The following CTSD variants were observed in gnomAD, a reference collection of about 807,000 sequenced individuals.
CTSD encodes the protein ceroid-lipofuscinosis, neuronal 10.
A neutral mutation model predicts 43.6 loss-of-function variants in CTSD; 28 were observed. The ratio of observed to expected loss-of-function variants is 0.64; its 90% CI spans 0.48 to 0.88. The LOEUF (loss-of-function observed/expected upper bound fraction) is 0.88, where lower values mean the gene tolerates loss of function less well. Among genes scored for constraint, CTSD ranks in the 40% least tolerant of loss-of-function variants. The probability of loss-of-function intolerance (pLI) is 0.00; values close to 1 mark genes in which losing one functional copy is unlikely to be tolerated. For missense variants in CTSD, 485 were observed against 555.2 expected, an observed-to-expected ratio of 0.87 and a Z score of 1.27; for synonymous variants, 270 against 249.8, an observed-to-expected ratio of 1.08 and a Z score of -0.76.
At position 1,753,040 on chromosome 11, in the gene CTSD, G is replaced by A; in HGVS notation, c.*463C>T. On this transcript the variant is annotated 3_prime_UTR_variant, in exon 9 of 9. Transcript: ENST00000236671. ...GGGACACTGAACAGGTAGGGTGGCA[G>A]AGCCCAGCTGGGCCCAAGCTGGGCA... 3.5e-6 allele frequency: 1 copy of A among 284,184 alleles called. No homozygotes were observed. Among genetic ancestry groups the A allele is most frequent in the Non-Finnish European group, 6.9e-6 (1 of 144,010 alleles). 17.6% of individuals were successfully genotyped at this position (284,184 alleles called of 1,614,324 possible).
At chr11:1,756,120 C>G (rs894724522) in intron 5 of CTSD, among the ~76,000 whole-genome samples, 3 of 151,642 alleles carry the variant, frequency 2.0e-5, no homozygotes, top group African/African-American at 7.3e-5. Flanking sequence ...GTGTGCCCCT[C>G]CCCCACATGG....
In CTSD at chr11:1,757,484, C is replaced by T; in HGVS notation, c.544G>A (p.Ala182Thr). The T allele has an allele frequency of 6.2e-7, 1 of 1,613,888 alleles. No homozygotes were observed. The highest frequency in any genetic ancestry group is 8.5e-7 in the Non-Finnish European group (1 of 1,179,994). The part of the protein sequence containing the change: ...VKVERQVFGE[A>T]TKQPGITFIA... The stretch of plus-strand genomic sequence containing the variant: ...AAGGTGATGCCTGGCTGCTTGGTGG[C>T]CTCCCCAAAGACCTGCCTCTCCACT... The change falls in exon 5 of 9, where the codon GCC (alanine) becomes ACC (threonine). Residue 182 changes from alanine to threonine, a missense_variant. Physicochemically the swap from Ala to Thr is moderately conservative, Grantham distance 58. Coordinates refer to ENST00000236671, the MANE Select transcript of CTSD (RefSeq NM_001909.5).
At chr11:1,760,975 C>T in intron 2 of CTSD, 1 of 390,482 alleles carries the variant, frequency 2.6e-6, no homozygotes, top group Non-Finnish European at 4.9e-6. Context: ...ACAGGCCTCC[C>T]AGCAGGACAG....
Position 1,753,482 on chromosome 11 carries a change from G to GGC in CTSD, c.*19_*20dup. On this transcript the variant is annotated 3_prime_UTR_variant, in exon 9 of 9. Transcript: ENST00000236671. ...TGGGACTCTCCTCTGTTTCTGTGCT[G>GGC]GCGCGCGGACGCCTTGGGAACTAGA... 2 of 1,612,852 alleles carry GGC rather than the reference G, an allele frequency of 1.2e-6. No homozygotes were observed. Among genetic ancestry groups the GGC allele is most frequent in the East Asian group, 2.2e-5 (1 of 44,872 alleles).
At chr11:1,754,880 G>A (rs1565019793) in intron 6 of CTSD, 26 bp downstream of exon 6, 2 of 1,613,324 alleles carry the variant, frequency 1.2e-6, no homozygotes, top group African/African-American at 1.3e-5. Flanking sequence ...CAGAACCCAG[G>A]GGAGCCGACT....
At chr11:1,761,922 C>A in intron 1 of CTSD, 3 of 248,674 alleles carry the variant, frequency 1.2e-5, no homozygotes, top group Non-Finnish European at 2.5e-5. Flanking sequence ...TGTACCCAGC[C>A]CCCATCACAC....
chr11:1,757,274 C>G (rs1238753317), intron 5 of CTSD, 50 bp downstream of exon 5: 2 of 1,499,154 alleles, frequency 1.3e-6, no homozygotes, highest in Non-Finnish European at 1.8e-6. Flanking sequence ...CCCGTCCAGC[C>G]CCGCCCTGCC....
chr11:1,761,518 C>CCGA (rs748653305), intron 1 of CTSD, 50 bp from the exon 2 acceptor site: 1 of 1,601,404 alleles, frequency 6.2e-7, no homozygotes, highest in Non-Finnish European at 8.5e-7. Context: ...CGCCTGCCGG[C>CCGA]CGACGCTGCC....
chr11:1,753,605 G>T lies in CTSD; in HGVS notation c.1137C>A (p.Ser379Arg). Residue 379 changes from serine to arginine, a missense_variant, in exon 9 of 9, where the codon AGC (serine) becomes AGA (arginine). By Grantham distance (110) the Ser-to-Arg change is moderately radical. Transcript: ENST00000236671. ...GFMGMDIPPP[S>R]GPLWILGDVF... Reference sequence around the variant, plus strand: ...CGTCGCCCAGGATCCAGAGTGGCCCGCTGGGTGGCGGGATGTCCATGCCCA... The same window carrying T: ...CGTCGCCCAGGATCCAGAGTGGCCCTCTGGGTGGCGGGATGTCCATGCCCA... 2.5e-6 allele frequency: 4 copies of T among 1,613,022 alleles called. No homozygotes were observed. In the South Asian group the frequency reaches 4.4e-5, roughly 18 times the overall value.
chr11:1,753,485 G>A lies in CTSD; in HGVS notation c.*18C>T, dbSNP rs369840086. The A allele has an allele frequency of 2.2e-5, 35 of 1,612,718 alleles. No individual in the cohort carries two copies. The highest frequency in any genetic ancestry group is 4.0e-5 in the African/African-American group (3 of 74,890). ...GACTCTCCTCTGTTTCTGTGCTGGC[G>A]CGCGGACGCCTTGGGAACTAGAGGC... On this transcript the variant is annotated 3_prime_UTR_variant, in exon 9 of 9. Transcript: ENST00000236671.
chr11:1,758,831 C>T (rs117666717), intron 4 of CTSD, 138 bp downstream of exon 4: 13,357 of 766,246 alleles, frequency 0.017, 196 homozygotes, highest in Middle Eastern at 0.052. Flanking sequence ...CCTCCTCACC[C>T]TGCTGACTGC....
In CTSD at chr11:1,752,945, T is replaced by G. The variant is rs698452; in HGVS notation, c.*558A>C. The stretch of plus-strand genomic sequence containing the variant: ...CACCACCCTGCAGGCTCCAACAAGG[T>G]GGGTTTTGTCCCCTCTCACTCCTTC... On this transcript the variant is annotated 3_prime_UTR_variant, in exon 9 of 9. Transcript: ENST00000236671. 5.3e-6 allele frequency: 1 copy of G among 187,886 alleles called. No individual in the cohort carries two copies. Among genetic ancestry groups the G allele is most frequent in the African/African-American group, 2.4e-5 (1 of 42,040 alleles). 11.6% of individuals were successfully genotyped at this position (187,886 alleles called of 1,614,324 possible).
rs531569934 is a variant in CTSD at position 1,758,729 on chromosome 11, T to C, written c.471+240A>G. On this transcript the variant is annotated intron_variant, in intron 4 of 8. Coordinates refer to ENST00000236671, the MANE Select transcript of CTSD (RefSeq NM_001909.5). ...TCTGCCCTGTCCTCCCTCCCACTCATTGTGGCCTGACTCCGGGGACCCCTG... is the reference window on the plus strand; with the variant it reads ...TCTGCCCTGTCCTCCCTCCCACTCACTGTGGCCTGACTCCGGGGACCCCTG... Among the ~76,000 whole-genome samples, 14 of 152,162 alleles carry C rather than the reference T, an allele frequency of 9.2e-5. No individual in the cohort carries two copies. In the East Asian group the frequency reaches 1.2e-3, roughly 13 times the overall value.
rs375282504 is a variant in CTSD at position 1,757,398 on chromosome 11, G to A, written c.630C>T (p.Asn210=). 62 of 1,614,178 alleles carry A rather than the reference G, an allele frequency of 3.8e-5. No individual in the cohort carries two copies. The highest frequency in any genetic ancestry group is 3.6e-4 in the African/African-American group (27 of 75,068). ...GMAYPRISVN[N]VLPVFDNLMQ... ...TCAGGTTGTCGAAGACGGGCAGCAC[G>A]TTGTTGACGGAGATGCGGGGGTAGG... The change falls in exon 5 of 9, where the codon AAC becomes AAT. Residue 210 remains asparagine, a synonymous_variant. Coordinates refer to ENST00000236671, the MANE Select transcript of CTSD (RefSeq NM_001909.5).
rs1845847720 is a variant in CTSD at position 1,759,428 on chromosome 11, G to A, written c.352+88C>T. 10 of 1,577,044 alleles carry A rather than the reference G, an allele frequency of 6.3e-6. No homozygotes were observed. The East Asian group carries it at 2.2e-4, about 35-fold the overall frequency. On this transcript the variant is annotated intron_variant, in intron 3 of 8. Coordinates refer to ENST00000236671, the MANE Select transcript of CTSD (RefSeq NM_001909.5). ...CACGGGGCCAAGAGGCAGGAGAATT[G>A]CGTTGCCCAAGTGATTCCTGAGGCA...
chr11:1,754,541 A>AGGGCTGGAGGGGAGGGAGGGAGGGC, intron 6 of CTSD, among the ~76,000 whole-genome samples: 1 of 35,254 alleles, frequency 2.8e-5, no homozygotes, highest in Admixed American at 3.6e-4. Context: ...GGAGGGATGG[A>AGGGCTGGAGGGGAGGGAGGGAGGGC]GGGATGGAGG....
chr11:1,754,538 TGGAGGGATGGA>T (rs1845781301), intron 6 of CTSD, among the ~76,000 whole-genome samples: 6 of 38,628 alleles, frequency 1.6e-4, no homozygotes, highest in Admixed American at 1.0e-3. Flanking sequence ...GATGGAGGGA[TGGAGGGATGGA>T]GGGGATGGAG....
rs978972970 is a variant in CTSD at position 1,761,208 on chromosome 11, A to C, written c.228+101T>G. 22 of 1,392,588 alleles carry C rather than the reference A, an allele frequency of 1.6e-5. No homozygotes were observed. The Admixed American group carries it at 3.8e-4, about 24-fold the overall frequency. The allele number at this position is 1,392,588 out of a possible 1,614,324, so 86.3% of individuals were successfully genotyped here. On this transcript the variant is annotated intron_variant, in intron 2 of 8. Transcript: ENST00000236671. ...CACCGTGGCCAGGTGAGCCACTCAA[A>C]CTGCGCTGCTGAGAACAGGAGGTGG...
At chr11:1,760,135 C>T (rs1845857594) in intron 2 of CTSD, among the ~76,000 whole-genome samples, 3 of 152,336 alleles carry the variant, frequency 2.0e-5, no homozygotes, top group East Asian at 1.9e-4. Flanking sequence ...CAGGGTGAAC[C>T]CCAGGCTTGG....
Sources: allele counts gnomAD v4.1 joint callset (sites outside exome capture counted in the v4.1 genomes callset), GRCh38; gene constraint gnomAD v4.1.1; transcripts MANE v1.5; gene names NCBI Gene and HGNC (gene_info 2026-07-23, HGNC 2026-07-21).